NALF1: variants seen among roughly 807,000 people sequenced by gnomAD.
NALF1 encodes the protein NALCN channel auxiliary factor 1.
Under a neutral mutation model 48.4 loss-of-function variants are expected in NALF1, and 3 were observed. That is an observed-to-expected ratio of 0.06 (90% CI 0.03 to 0.16). The LOEUF (loss-of-function observed/expected upper bound fraction) is 0.16. Ranked by LOEUF, NALF1 falls within the 10% of genes least tolerant of loss-of-function variation. The pLI is 1.00. For synonymous variants in NALF1, 262 were observed against 245.7 expected (o/e 1.07, Z -0.62); for missense variants, 526 against 571.5 (o/e 0.92, Z 0.81).
At chr13:107,565,065 CAA>C (rs71754551) in intron 1 of NALF1, among the ~76,000 whole-genome samples, 453 of 23,146 alleles carry the variant, frequency 0.02, 1 homozygote, top group African/African-American at 0.076. Flanking sequence ...GTGATATCTG[CAA>C]AAAAAAAAAA....
intron 1 of NALF1, among the ~76,000 whole-genome samples, chr13:107,623,844 G>C (rs912822945): frequency 2.0e-5 from 3 of 152,208 alleles, no homozygotes; most frequent in African/African-American, 7.2e-5. Context: ...CTCAAGAAAG[G>C]AAAGAGCTTT....
chr13:107,709,672 G>C (rs1023319971), intron 1 of NALF1, among the ~76,000 whole-genome samples: 2 of 152,194 alleles, frequency 1.3e-5, no homozygotes, highest in Non-Finnish European at 2.9e-5. Flanking sequence ...CAGCAACAGA[G>C]TTGCATCAAT....
chr13:107,379,970 A>G (rs1883402607), intron 1 of NALF1, among the ~76,000 whole-genome samples: 1 of 152,226 alleles, frequency 6.6e-6, no homozygotes, highest in African/African-American at 2.4e-5. Context: ...GCTCTCTTCC[A>G]GAGGCACAGG....
chr13:107,351,625 C>CT (rs1164843850), intron 1 of NALF1, among the ~76,000 whole-genome samples: 3 of 152,190 alleles, frequency 2.0e-5, no homozygotes, highest in African/African-American at 7.2e-5. Flanking sequence ...AAATCTCTCC[C>CT]TTTTTGCTAA....
intron 1 of NALF1, among the ~76,000 whole-genome samples, chr13:107,486,447 C>A (rs1161584352): frequency 2.0e-5 from 3 of 152,116 alleles, no homozygotes; most frequent in African/African-American, 7.2e-5. Flanking sequence ...GAAGAAGGAG[C>A]TTTTGTATTA....
intron 1 of NALF1, among the ~76,000 whole-genome samples, chr13:107,588,639 C>T (rs951286753): frequency 1.3e-5 from 2 of 152,100 alleles, no homozygotes; most frequent in African/African-American, 2.4e-5. Context: ...GTAAACTTTA[C>T]TTGTGTATTT....
In NALF1 at chr13:107,362,435, T is replaced by C. The variant is rs1883079888; in HGVS notation, c.916-151680A>G. ...CATCTTCGCTTGCCTCCTCCTGACT[T>C]TGGAGGTATCAGGCAATCGGTGACA... On this transcript the variant is annotated intron_variant, in intron 1 of 2. Coordinates refer to ENST00000375915, the MANE Select transcript of NALF1 (RefSeq NM_001080396.3). This position sits in a 1 kb window ranked among gnomAD's most constrained non-coding sequence, Gnocchi z 4.6. 6.6e-6 allele frequency among the ~76,000 whole-genome samples: 1 copy of C among 152,138 alleles called. No individual in the cohort carries two copies. Among genetic ancestry groups the C allele is most frequent in the Admixed American group, 6.5e-5 (1 of 15,274 alleles).
At chr13:107,238,042 T>G (rs115768653) in intron 1 of NALF1, among the ~76,000 whole-genome samples, 1,651 of 152,252 alleles carry the variant, frequency 0.011, 29 homozygotes, top group African/African-American at 0.037. Context: ...ATGAAGAAAT[T>G]TGTTATCTCG....
intron 1 of NALF1, among the ~76,000 whole-genome samples, chr13:107,426,425 C>A (rs575219041): frequency 3.3e-5 from 5 of 152,146 alleles, no homozygotes; most frequent in African/African-American, 1.2e-4. Context: ...AGGAAACTGA[C>A]GGACAGGACA....
chr13:107,203,080 A>G (rs1879554620), intron 2 of NALF1, among the ~76,000 whole-genome samples: 1 of 152,228 alleles, frequency 6.6e-6, no homozygotes, highest in East Asian at 1.9e-4. Flanking sequence ...GTGGGCATAA[A>G]TTCTTACAAA....
At chr13:107,644,669 T>G (rs1880264431) in intron 1 of NALF1, among the ~76,000 whole-genome samples, 1 of 48,752 alleles carries the variant, frequency 2.1e-5, no homozygotes, top group African/African-American at 5.8e-5. Flanking sequence ...ATATATATGC[T>G]TTCACTTAAG....
intron 2 of NALF1, among the ~76,000 whole-genome samples, chr13:107,197,639 A>G (rs917738044): frequency 1.6e-4 from 24 of 152,362 alleles, no homozygotes; most frequent in African/African-American, 5.5e-4. Flanking sequence ...AGCAGTCCAC[A>G]GTAAACAACA....
intron 1 of NALF1, among the ~76,000 whole-genome samples, chr13:107,643,239 A>C (rs1173792697): frequency 6.6e-6 from 1 of 152,212 alleles, no homozygotes; most frequent in South Asian, 2.1e-4. Context: ...CTTAAGTTAC[A>C]AACACAAATG....
chr13:107,857,902 T>C (rs1163493631), intron 1 of NALF1, among the ~76,000 whole-genome samples: 1 of 152,228 alleles, frequency 6.6e-6, no homozygotes, highest in African/African-American at 2.4e-5. Flanking sequence ...CTGGGCATCA[T>C]CAAGCCCTAG....
intron 1 of NALF1, among the ~76,000 whole-genome samples, chr13:107,283,654 T>C (rs1881433186): frequency 7.1e-6 from 1 of 141,502 alleles, no homozygotes; most frequent in Non-Finnish European, 1.5e-5. Flanking sequence ...ATTTATTTAT[T>C]TATTTACTAT....
chr13:107,457,886 G>C (rs1294035246), intron 1 of NALF1, among the ~76,000 whole-genome samples: 2 of 152,092 alleles, frequency 1.3e-5, no homozygotes, highest in Non-Finnish European at 2.9e-5. Flanking sequence ...ACATTTCCCA[G>C]TGCAAACAGA....
intron 1 of NALF1, among the ~76,000 whole-genome samples, chr13:107,258,112 T>C (rs1037372992): frequency 6.6e-6 from 1 of 152,166 alleles, no homozygotes; most frequent in Non-Finnish European, 1.5e-5. Flanking sequence ...TGGGAAACAA[T>C]GTACCCTCTC....
chr13:107,208,810 A>G (rs149817704), intron 2 of NALF1, among the ~76,000 whole-genome samples: 4 of 152,188 alleles, frequency 2.6e-5, no homozygotes, highest in African/African-American at 9.6e-5. Flanking sequence ...TTTGTCTCAA[A>G]CTCAAAGCAA....
At chr13:107,696,863 C>T (rs1881712407) in intron 1 of NALF1, among the ~76,000 whole-genome samples, 1 of 151,952 alleles carries the variant, frequency 6.6e-6, no homozygotes. Flanking sequence ...TTTACCCTAC[C>T]CTACATGCAT....
Sources: gnomAD v4.1 joint callset for allele counts (sites outside exome capture counted in the v4.1 genomes callset) on GRCh38, gnomAD v4.1.1 for gene constraint, Gnocchi (gnomAD v3.1) non-coding constraint, MANE v1.5 for transcripts, NCBI Gene and HGNC (gene_info 2026-07-23, HGNC 2026-07-21) for gene names.